The following CTNNA3 variants were observed in gnomAD, a reference collection of about 807,000 sequenced individuals.
CTNNA3 encodes the protein catenin alpha 3.
CTNNA3 carries 76 observed loss-of-function variants against 95.7 expected under a neutral mutation model. The observed-to-expected ratio is 0.79, with a 90% CI of 0.66 to 0.96. The LOEUF is 0.96. CTNNA3 is among the 40% of genes least tolerant of loss of function. The probability of loss-of-function intolerance (pLI) is 0.00; values close to 1 mark genes in which losing one functional copy is unlikely to be tolerated. For synonymous variants in CTNNA3, 431 were observed against 374.4 expected (o/e 1.15, Z -1.74); for missense variants, 1,191 against 1,089.8 (o/e 1.09, Z -1.31).
At chr10:66,752,821 A>G (rs1360814431) in intron 9 of CTNNA3, among the ~76,000 whole-genome samples, 1 of 152,106 alleles carries the variant, frequency 6.6e-6, no homozygotes, top group African/African-American at 2.4e-5. Context: ...ATGATCTTGT[A>G]TATAGAAAAT....
intron 5 of CTNNA3, among the ~76,000 whole-genome samples, chr10:67,470,402 A>G (rs769969380): frequency 6.6e-6 from 1 of 152,218 alleles, no homozygotes; most frequent in Non-Finnish European, 1.5e-5. Context: ...CAGTGCTGCA[A>G]TAAAAATAAG....
intron 9 of CTNNA3, among the ~76,000 whole-genome samples, chr10:66,697,736 T>C (rs773645723): frequency 9.2e-5 from 14 of 152,170 alleles, no homozygotes; most frequent in Non-Finnish European, 1.0e-4. Flanking sequence ...TGAAAAAACA[T>C]TGTCCTAAGA....
intron 10 of CTNNA3, among the ~76,000 whole-genome samples, chr10:66,537,610 A>C (rs911051449): frequency 1.3e-4 from 20 of 149,582 alleles, no homozygotes; most frequent in African/African-American, 4.9e-4. Flanking sequence ...TTTTTAATTT[A>C]TATTTTATAT....
intron 9 of CTNNA3, among the ~76,000 whole-genome samples, chr10:66,732,227 A>G (rs1342661870): frequency 2.0e-5 from 3 of 152,200 alleles, no homozygotes. Context: ...CAGGAAATAC[A>G]CTGAGCAGCC....
At chr10:66,545,924 T>C (rs1232475202) in intron 10 of CTNNA3, among the ~76,000 whole-genome samples, 2 of 150,580 alleles carry the variant, frequency 1.3e-5, no homozygotes, top group African/African-American at 4.9e-5. Flanking sequence ...ATGTTTTATC[T>C]ACATAAAATT....
chr10:65,943,330 T>C (rs2133183735), intron 17 of CTNNA3, among the ~76,000 whole-genome samples: 1 of 152,302 alleles, frequency 6.6e-6, no homozygotes, highest in African/African-American at 2.4e-5. Flanking sequence ...TCCCAAAGTG[T>C]AGTTATGTCG....
At chr10:67,585,505 A>G (rs1271793826) in intron 3 of CTNNA3, among the ~76,000 whole-genome samples, 1 of 151,972 alleles carries the variant, frequency 6.6e-6, no homozygotes, top group African/African-American at 2.4e-5. Context: ...CTAATTCAAT[A>G]TTGCTACTAA....
intron 5 of CTNNA3, among the ~76,000 whole-genome samples, chr10:67,327,947 T>C (rs1380548869): frequency 6.6e-6 from 1 of 152,032 alleles, no homozygotes; most frequent in Non-Finnish European, 1.5e-5. Flanking sequence ...GAATGATTGC[T>C]CAGGCATGGG....
chr10:66,856,670 C>G (rs1162929775), intron 7 of CTNNA3, among the ~76,000 whole-genome samples: 1 of 151,958 alleles, frequency 6.6e-6, no homozygotes, highest in East Asian at 1.9e-4. Flanking sequence ...TAATGTCGAG[C>G]ATTTCTTCAT....
At chr10:66,912,603 A>C (rs1339734740) in intron 7 of CTNNA3, among the ~76,000 whole-genome samples, 5 of 152,210 alleles carry the variant, frequency 3.3e-5, no homozygotes, top group Admixed American at 2.6e-4. Context: ...AACACCAGGA[A>C]GAGTCATCCT....
At chr10:66,618,947 G>A (rs1468563245) in intron 10 of CTNNA3, among the ~76,000 whole-genome samples, 2 of 152,100 alleles carry the variant, frequency 1.3e-5, no homozygotes, top group African/African-American at 2.4e-5. Flanking sequence ...GCAGCCAACA[G>A]ACACATGAAA....
At chr10:66,458,645 A>G (rs762209884) in intron 11 of CTNNA3, among the ~76,000 whole-genome samples, 11 of 152,080 alleles carry the variant, frequency 7.2e-5, no homozygotes, top group African/African-American at 2.7e-4. Context: ...GGATTTAACT[A>G]TTCTAGGTGT....
chr10:66,720,195 AT>A (rs1389223269), intron 9 of CTNNA3, among the ~76,000 whole-genome samples: 1 of 148,638 alleles, frequency 6.7e-6, no homozygotes, highest in Non-Finnish European at 1.5e-5. Flanking sequence ...TTAAAAAAAA[AT>A]GAAAGAGAGA....
chr10:67,059,226 A>C (rs1356982090), intron 7 of CTNNA3, among the ~76,000 whole-genome samples: 1 of 152,222 alleles, frequency 6.6e-6, no homozygotes, highest in African/African-American at 2.4e-5. Flanking sequence ...TTAATGAGCC[A>C]GATCACCATT....
chr10:67,045,738 C>A (rs561133064), intron 7 of CTNNA3, among the ~76,000 whole-genome samples: 17 of 152,228 alleles, frequency 1.1e-4, no homozygotes, highest in African/African-American at 3.8e-4. Flanking sequence ...GCCAAGGCCC[C>A]CCTCTGTTTT....
intron 5 of CTNNA3, among the ~76,000 whole-genome samples, chr10:67,316,487 C>T (rs545350908): frequency 6.6e-6 from 1 of 152,156 alleles, no homozygotes; most frequent in South Asian, 2.1e-4. Context: ...AAAAGCAAGG[C>T]CTTTTGCAGT....
At chr10:66,255,919 A>G (rs745995158) in intron 13 of CTNNA3, among the ~76,000 whole-genome samples, 2 of 152,194 alleles carry the variant, frequency 1.3e-5, no homozygotes, top group Non-Finnish European at 2.9e-5. Flanking sequence ...TATTTGTGGT[A>G]TTAACTAGTT....
intron 9 of CTNNA3, among the ~76,000 whole-genome samples, chr10:66,747,374 T>A (rs968702713): frequency 5.9e-5 from 9 of 152,100 alleles, no homozygotes; most frequent in Admixed American, 1.3e-4. Context: ...GAGTAGGAAG[T>A]CTGCCTTTAA....
At chr10:66,156,587 A>C (rs2084518499) in intron 13 of CTNNA3, among the ~76,000 whole-genome samples, 2 of 151,934 alleles carry the variant, frequency 1.3e-5, no homozygotes, top group East Asian at 3.8e-4. Context: ...AACAGACAAT[A>C]AACAAACAAT....
Sources: gnomAD v4.1 joint callset for allele counts (sites outside exome capture counted in the v4.1 genomes callset) on GRCh38, gnomAD v4.1.1 for gene constraint, MANE v1.5 for transcripts, NCBI Gene and HGNC (gene_info 2026-07-23, HGNC 2026-07-21) for gene names.